The following MAN2B2 variants were observed in gnomAD, a reference collection of about 807,000 sequenced individuals.
MAN2B2 encodes the protein mannosidase alpha class 2B member 2.
MAN2B2 carries 106 observed loss-of-function variants against 117.1 expected under a neutral mutation model. That is an observed-to-expected ratio of 0.90 (90% CI 0.77 to 1.06). The LOEUF (loss-of-function observed/expected upper bound fraction) is 1.06. Among genes scored for constraint, MAN2B2 ranks in the 50% least tolerant of loss-of-function variants. MAN2B2 has a pLI of 0.00. For missense variants in MAN2B2, 1,326 were observed against 1,381.4 expected, an observed-to-expected ratio of 0.96 and a Z score of 0.64; for synonymous variants, 544 against 595.1, an observed-to-expected ratio of 0.91 and a Z score of 1.25.
intron 1 of MAN2B2, among the ~76,000 whole-genome samples, chr4:6,575,918 C>T (rs1488680077): frequency 6.6e-6 from 1 of 152,154 alleles, no homozygotes; most frequent in East Asian, 1.9e-4. Flanking sequence ...AAACCGAGGC[C>T]CAGAGAGGGT....
chr4:6,591,158 AAAG>A (rs1726844794), intron 5 of MAN2B2, among the ~76,000 whole-genome samples: 2 of 152,014 alleles, frequency 1.3e-5, no homozygotes, highest in Admixed American at 1.3e-4. Flanking sequence ...AACAAAAAAA[AAAG>A]AAGGCTGGAG....
In MAN2B2 at chr4:6,614,218, G is replaced by A. The variant is rs1711738570; in HGVS notation, c.2564G>A (p.Gly855Glu). ...RPVVLFGDLA[G>E]TAPKLPGPQQ... ...CTCACTCTGTCCATCTGCCTTGCAGGGACTGCGCCGAAGCTCCCAGGACCC... is the reference window on the plus strand; with the variant it reads ...CTCACTCTGTCCATCTGCCTTGCAGAGACTGCGCCGAAGCTCCCAGGACCC... The change falls in exon 16 of 19, where the codon GGG becomes GAG. Residue 855 changes from glycine to glutamate, a missense_variant and splice_region_variant. Transcript: ENST00000285599. 6.2e-7 allele frequency: 1 copy of A among 1,613,846 alleles called. No homozygotes were observed. The highest frequency in any genetic ancestry group is 1.3e-5 in the African/African-American group (1 of 74,910).
At chr4:6,575,373 GC>G in intron 1 of MAN2B2, 25 bp downstream of exon 1, 1 of 1,467,138 alleles carries the variant, frequency 6.8e-7, no homozygotes. Context: ...CGCCCCGCGC[GC>G]CCCTGAGGCT....
intron 12 of MAN2B2, 167 bp from the exon 13 acceptor site, chr4:6,609,631 C>A: frequency 1.2e-6 from 1 of 848,578 alleles, no homozygotes; most frequent in Non-Finnish European, 1.8e-6. Flanking sequence ...CTGCTCCCAG[C>A]CGCTCGGGGT....
At position 6,576,694 on chromosome 4, in the gene MAN2B2, T is replaced by A. The variant is rs1560632440; in HGVS notation, c.255T>A (p.Asp85Glu). 5.3e-5 allele frequency: 86 copies of A among 1,613,820 alleles called. No individual in the cohort carries two copies. Among genetic ancestry groups the A allele is most frequent in the Non-Finnish European group, 7.1e-5 (84 of 1,179,992 alleles). Residue 85 changes from aspartate (D) to glutamate (E), a missense_variant, in exon 2 of 19, where the codon GAT becomes GAA. Transcript: ENST00000285599. ...AGGAGTTTTTCCGGCTGTGGTGGGA[T>A]GGCGTCGCCTCGGACCAGCAGAAAT... ...VEQEFFRLWWDGVASDQQKYQ... is the reference protein window; with the variant it reads ...VEQEFFRLWWEGVASDQQKYQ...
intron 5 of MAN2B2, among the ~76,000 whole-genome samples, chr4:6,591,802 A>T (rs571738785): frequency 1.3e-5 from 2 of 152,162 alleles, no homozygotes; most frequent in South Asian, 4.1e-4. Context: ...GGGGGCAGAG[A>T]GGATAGGCAG....
chr4:6,604,445 G>A (rs1319463297), intron 10 of MAN2B2, among the ~76,000 whole-genome samples: 1 of 151,412 alleles, frequency 6.6e-6, no homozygotes, highest in Admixed American at 6.6e-5. Context: ...GGTGGTGGGT[G>A]GGAGTGGCTG....
intron 8 of MAN2B2, 66 bp from the exon 9 acceptor site, chr4:6,598,132 C>T: frequency 1.3e-6 from 2 of 1,549,044 alleles, no homozygotes; most frequent in South Asian, 2.4e-5. Context: ...CTAGTAGGTG[C>T]CTTGTAGGTG....
At chr4:6,590,748 C>T (rs779036309) in intron 5 of MAN2B2, among the ~76,000 whole-genome samples, 5 of 152,358 alleles carry the variant, frequency 3.3e-5, no homozygotes, top group Non-Finnish European at 7.3e-5. Flanking sequence ...TTTCCCCACC[C>T]GTTCCTGACG....
chr4:6,605,094 C>T lies in MAN2B2; in HGVS notation c.1579C>T (p.Leu527Phe), dbSNP rs1396065046. 3.1e-6 allele frequency: 5 copies of T among 1,613,996 alleles called. No homozygotes were observed. The highest frequency in any genetic ancestry group is 4.2e-6 in the Non-Finnish European group (5 of 1,179,972). Residue 527 changes from leucine to phenylalanine, a missense_variant, in exon 11 of 19, where the codon CTT (leucine) becomes TTT (phenylalanine). Transcript: ENST00000285599. The stretch of plus-strand genomic sequence containing the variant: ...AGAGACCCCATCTGCGTATGACCTG[C>T]TTATTCTGACCACAATCCCAGGCCT... ...STETPSAYDL[L>F]ILTTIPGLSY...
chr4:6,578,034 G>A (rs373120769), intron 2 of MAN2B2, among the ~76,000 whole-genome samples: 10 of 152,150 alleles, frequency 6.6e-5, no homozygotes, highest in African/African-American at 1.4e-4. Context: ...GTGTAGAGAC[G>A]GGGATGTTAA....
At chr4:6,580,696 C>G (rs1726393038) in intron 3 of MAN2B2, among the ~76,000 whole-genome samples, 1 of 152,168 alleles carries the variant, frequency 6.6e-6, no homozygotes, top group Non-Finnish European at 1.5e-5. Flanking sequence ...CTGGCAGGGA[C>G]CCCCATCTGA....
Position 6,619,974 on chromosome 4 carries a change from G to C in MAN2B2, c.2862G>C (p.Ser954=). The stretch of plus-strand genomic sequence containing the variant: ...CCGTGGTGGCAGTGGAGGAGCGCTC[G>C]CTCACAGGGACCTGGGATTTGAGCA... The part of the protein sequence containing the change: ...LGSVVAVEER[S]LTGTWDLSML... Residue 954 remains serine (S), a synonymous_variant, in exon 18 of 19, where the codon TCG becomes TCC. Coordinates refer to ENST00000285599, the MANE Select transcript of MAN2B2 (RefSeq NM_015274.3). The C allele has an allele frequency of 6.2e-7, 1 of 1,613,914 alleles. No individual in the cohort carries two copies. Among genetic ancestry groups the C allele is most frequent in the Middle Eastern group, 1.7e-4 (1 of 6,060 alleles).
intron 3 of MAN2B2, among the ~76,000 whole-genome samples, chr4:6,586,469 C>A (rs1017878698): frequency 2.0e-5 from 3 of 152,132 alleles, no homozygotes; most frequent in African/African-American, 4.8e-5. Context: ...GTGCTCTATC[C>A]AAGTTCACAC....
At chr4:6,585,905 T>C (rs1726615196) in intron 3 of MAN2B2, among the ~76,000 whole-genome samples, 1 of 152,184 alleles carries the variant, frequency 6.6e-6, no homozygotes, top group African/African-American at 2.4e-5. Flanking sequence ...AGAAGCTGTG[T>C]GCCCTTCACC....
At chr4:6,581,567 A>C (rs1254824271) in intron 3 of MAN2B2, among the ~76,000 whole-genome samples, 5 of 151,756 alleles carry the variant, frequency 3.3e-5, no homozygotes, top group Non-Finnish European at 5.9e-5. Flanking sequence ...GTTTTCTCAG[A>C]TATGTTGGGG....
At position 6,610,273 on chromosome 4, in the gene MAN2B2, C is replaced by G; in HGVS notation, c.2259+223C>G. Among the ~76,000 whole-genome samples, 2 of 152,192 alleles carry G rather than the reference C, an allele frequency of 1.3e-5. 1 individual carries two copies. Among genetic ancestry groups the G allele is most frequent in the Non-Finnish European group, 2.9e-5 (2 of 68,038 alleles). ...CCAGGTTCAAGCGATTCTCCTGCCT[C>G]AGCCTCCCGAGTAGCTGGGATTACA... On this transcript the variant is annotated intron_variant, in intron 13 of 18. Coordinates refer to ENST00000285599, the MANE Select transcript of MAN2B2 (RefSeq NM_015274.3).
chr4:6,595,156 G>A (rs1246209847), intron 7 of MAN2B2, among the ~76,000 whole-genome samples: 1 of 152,212 alleles, frequency 6.6e-6, no homozygotes, highest in African/African-American at 2.4e-5. Context: ...TGTGCATCAT[G>A]CCTGTGTCCT....
intron 15 of MAN2B2, among the ~76,000 whole-genome samples, chr4:6,612,396 G>A (rs1577294571): frequency 6.6e-6 from 1 of 152,374 alleles, no homozygotes; most frequent in African/African-American, 2.4e-5. Context: ...GAGGAGGTCA[G>A]GGATCAGGTC....
Sources: gnomAD v4.1 joint callset for allele counts (sites outside exome capture counted in the v4.1 genomes callset) on GRCh38, gnomAD v4.1.1 for gene constraint, MANE v1.5 for transcripts, NCBI Gene and HGNC (gene_info 2026-07-23, HGNC 2026-07-21) for gene names.